CEP112: variants seen among roughly 807,000 people sequenced by gnomAD.
CEP112 encodes centrosomal protein of 112 kDa.
CEP112 carries 127 observed loss-of-function variants against 153.0 expected under a neutral mutation model. The ratio of observed to expected loss-of-function variants is 0.83; its 90% CI spans 0.72 to 0.96. CEP112 has a LOEUF of 0.96. Among genes scored for constraint, CEP112 ranks in the 40% least tolerant of loss-of-function variants. The pLI is 0.00. For synonymous variants in CEP112, 358 were observed against 374.4 expected, an observed-to-expected ratio of 0.96 and a Z score of 0.51; for missense variants, 1,089 against 1,101.2, an observed-to-expected ratio of 0.99 and a Z score of 0.16.
At chr17:66,133,093 A>G (rs2070271405) in intron 4 of CEP112, among the ~76,000 whole-genome samples, 3 of 152,178 alleles carry the variant, frequency 2.0e-5, no homozygotes, top group Admixed American at 2.0e-4. Flanking sequence ...ACATCAAAAA[A>G]AAAAAAGAAA....
At chr17:66,187,545 A>T (rs1280322746) in intron 1 of CEP112, among the ~76,000 whole-genome samples, 3 of 152,122 alleles carry the variant, frequency 2.0e-5, no homozygotes, top group Non-Finnish European at 4.4e-5. Context: ...CAGTGGTTCC[A>T]TTCACTGCTG....
At chr17:65,855,822 G>A (rs2058102677) in intron 20 of CEP112, among the ~76,000 whole-genome samples, 1 of 152,186 alleles carries the variant, frequency 6.6e-6, no homozygotes, top group Non-Finnish European at 1.5e-5. Flanking sequence ...ACAGCACTTT[G>A]AGAGGCCAAG....
intron 21 of CEP112, chr17:65,826,221 TC>T: frequency 6.2e-7 from 1 of 1,614,170 alleles, no homozygotes; most frequent in Non-Finnish European, 8.5e-7. Flanking sequence ...ACATTACCAT[TC>T]TCTTCTCTCA....
rs888191482 is a variant in CEP112 at position 65,820,256 on chromosome 17, A to G, written c.2394+31548T>C. Among the ~76,000 whole-genome samples the G allele has an allele frequency of 4.6e-5, 7 of 152,092 alleles. 1 individual carries two copies. In the Middle Eastern group the frequency reaches 0.01, roughly 222 times the overall value. On this transcript the variant is annotated intron_variant, in intron 21 of 26. Coordinates refer to ENST00000535342, the MANE Select transcript of CEP112 (RefSeq NM_001199165.4). ...AGAAAATTCTTCATATCTAGTGCCAATTCAAATATTGTCTCTCTTCCATAA... is the reference window on the plus strand; with the variant it reads ...AGAAAATTCTTCATATCTAGTGCCAGTTCAAATATTGTCTCTCTTCCATAA...
chr17:65,878,387 T>C lies in CEP112; in HGVS notation c.2163+23765A>G, dbSNP rs1011039294. 2.6e-5 allele frequency among the ~76,000 whole-genome samples: 4 copies of C among 152,180 alleles called. No individual in the cohort carries two copies. The South Asian group carries it at 6.2e-4, about 24-fold the overall frequency. On this transcript the variant is annotated intron_variant, in intron 20 of 26. Coordinates refer to ENST00000535342, the MANE Select transcript of CEP112 (RefSeq NM_001199165.4). ...AGCTGAAAAAATGATGAAGCAAATATACACATTTTTTAAAAGTCTGCTTTT... is the reference window on the plus strand; with the variant it reads ...AGCTGAAAAAATGATGAAGCAAATACACACATTTTTTAAAAGTCTGCTTTT...
intron 21 of CEP112, among the ~76,000 whole-genome samples, chr17:65,767,198 C>T (rs1349819645): frequency 6.6e-6 from 1 of 151,858 alleles, no homozygotes; most frequent in African/African-American, 2.4e-5. Flanking sequence ...TTTCTGGCCA[C>T]AATGGTATAA....
At chr17:65,712,686 C>T (rs1447086089) in intron 23 of CEP112, among the ~76,000 whole-genome samples, 1 of 152,044 alleles carries the variant, frequency 6.6e-6, no homozygotes, top group Non-Finnish European at 1.5e-5. Flanking sequence ...GCTTTTTTCA[C>T]CAGCAAATGT....
At chr17:65,716,733 G>A (rs1232607894) in intron 23 of CEP112, among the ~76,000 whole-genome samples, 2 of 152,180 alleles carry the variant, frequency 1.3e-5, no homozygotes, top group East Asian at 3.9e-4. Flanking sequence ...AATAGTCTTG[G>A]TAGCGTAATC....
chr17:65,912,455 C>G (rs2060324060), intron 19 of CEP112, among the ~76,000 whole-genome samples: 1 of 152,144 alleles, frequency 6.6e-6, no homozygotes, highest in Non-Finnish European at 1.5e-5. Flanking sequence ...AGTGCCCCTC[C>G]CACCAGTGCA....
At chr17:65,704,795 T>C (rs1310610772) in intron 23 of CEP112, among the ~76,000 whole-genome samples, 1 of 152,194 alleles carries the variant, frequency 6.6e-6, no homozygotes, top group Non-Finnish European at 1.5e-5. Flanking sequence ...TTTTTAACCT[T>C]AGGATTCTGT....
At chr17:65,689,093 G>T in intron 24 of CEP112, 36 bp downstream of exon 24, 1 of 1,454,804 alleles carries the variant, frequency 6.9e-7, no homozygotes, top group Non-Finnish European at 9.7e-7. Flanking sequence ...CCTAGAGAAA[G>T]TAAACAAGAG....
At chr17:65,870,272 T>C (rs1056373138) in intron 20 of CEP112, among the ~76,000 whole-genome samples, 2 of 152,158 alleles carry the variant, frequency 1.3e-5, no homozygotes, top group Non-Finnish European at 2.9e-5. Context: ...TTGAAATTTC[T>C]AGTTTTATTT....
chr17:66,142,723 G>A (rs1160970862), intron 4 of CEP112, among the ~76,000 whole-genome samples: 1 of 152,008 alleles, frequency 6.6e-6, no homozygotes. Context: ...CTGTCTTTAC[G>A]CCAGTATCAT....
intron 16 of CEP112, among the ~76,000 whole-genome samples, chr17:66,026,908 G>A (rs1245537742): frequency 3.9e-5 from 6 of 152,196 alleles, no homozygotes; most frequent in African/African-American, 1.4e-4. Context: ...TGAATCCACA[G>A]ATGTGAAATC....
At chr17:65,637,838 T>C (rs1315933991) in intron 25 of CEP112, among the ~76,000 whole-genome samples, 1 of 152,228 alleles carries the variant, frequency 6.6e-6, no homozygotes, top group East Asian at 1.9e-4. Flanking sequence ...TCACTAGCTG[T>C]TGAATGAATG....
At chr17:65,673,752 A>G (rs530256427) in intron 24 of CEP112, among the ~76,000 whole-genome samples, 65 of 152,382 alleles carry the variant, frequency 4.3e-4, no homozygotes, top group Middle Eastern at 3.4e-3. Flanking sequence ...AAAAGATAGA[A>G]GGTAATCTTC....
In CEP112 at chr17:65,652,627, T is replaced by C. The variant is rs1233085153; in HGVS notation, c.2698-11562A>G. 2.0e-5 allele frequency among the ~76,000 whole-genome samples: 3 copies of C among 152,294 alleles called. No individual in the cohort carries two copies. The East Asian group carries it at 5.8e-4, about 29-fold the overall frequency. On this transcript the variant is annotated intron_variant, in intron 24 of 26. Transcript: ENST00000535342. The stretch of plus-strand genomic sequence containing the variant: ...GCAAGTTATTTGCATAAATTAATGA[T>C]TGAGGACTCCATTGAAATGTTTTTG...
At chr17:65,987,204 A>G (rs1278669268) in intron 17 of CEP112, among the ~76,000 whole-genome samples, 3 of 152,178 alleles carry the variant, frequency 2.0e-5, no homozygotes, top group Non-Finnish European at 4.4e-5. Flanking sequence ...AGAATTAGCT[A>G]AGACAAAAAG....
chr17:65,647,283 C>G (rs1377921340), intron 24 of CEP112, among the ~76,000 whole-genome samples: 1 of 149,168 alleles, frequency 6.7e-6, no homozygotes, highest in Non-Finnish European at 1.5e-5. Flanking sequence ...AAGCGATTCT[C>G]CTGCCTCAGC....
Sources: allele counts gnomAD v4.1 joint callset (sites outside exome capture counted in the v4.1 genomes callset), GRCh38; gene constraint gnomAD v4.1.1; transcripts MANE v1.5; gene names NCBI Gene and HGNC (gene_info 2026-07-23, HGNC 2026-07-21).